The following TSSK1B variants were observed in gnomAD, a reference collection of about 807,000 sequenced individuals.
TSSK1B encodes testis specific serine kinase 1B.
TSSK1B carries 2 observed loss-of-function variants against 4.0 expected under a neutral mutation model. That is an observed-to-expected ratio of 0.50 (90% CI 0.20 to 1.57). TSSK1B has a LOEUF of 1.57. TSSK1B is among the 40% of genes most tolerant of loss of function. The pLI, the probability that TSSK1B is intolerant of heterozygous loss-of-function variation, is 0.22. For synonymous variants in TSSK1B, 198 were observed against 200.7 expected (o/e 0.99, Z 0.11); for missense variants, 488 against 495.1 (o/e 0.99, Z 0.14).
At position 113,434,298 on chromosome 5, in the gene TSSK1B, T is replaced by A; in HGVS notation, c.542A>T (p.Tyr181Phe). The A allele has an allele frequency of 6.2e-7, 1 of 1,614,120 alleles. No homozygotes were observed. The highest frequency in any genetic ancestry group is 2.2e-5 in the East Asian group (1 of 44,878). ...LSKTFCGSPA[Y>F]AAPEVLQGIP... ...GCCCTGCAGCACCTCTGGGGCCGCA[T>A]ACGCTGGTGACCCACAGAAGGTCTT... is the stretch of plus-strand genomic sequence containing the variant. Residue 181 changes from tyrosine (Y) to phenylalanine (F), a missense_variant, in exon 1 of 1, where the codon TAT becomes TTT. Coordinates refer to ENST00000390666, the MANE Select transcript of TSSK1B (RefSeq NM_032028.4). The surrounding 1 kb of genome is among the most constrained non-coding windows in gnomAD (Gnocchi z 4.2).
chr5:113,433,685 G>A lies in TSSK1B; in HGVS notation c.*51C>T. 6.4e-7 allele frequency: 1 copy of A among 1,564,348 alleles called. No individual in the cohort carries two copies. The highest frequency in any genetic ancestry group is 8.7e-7 in the Non-Finnish European group (1 of 1,154,802). On this transcript the variant is annotated 3_prime_UTR_variant, in exon 1 of 1. Coordinates refer to ENST00000390666, the MANE Select transcript of TSSK1B (RefSeq NM_032028.4). ...TGGCTCCACCCTTGACTTCTTCAGAGCTTGGGCTTTAAGCCGTGAGCTCCA... is the reference window on the plus strand; with the variant it reads ...TGGCTCCACCCTTGACTTCTTCAGAACTTGGGCTTTAAGCCGTGAGCTCCA...
Position 113,433,685 on chromosome 5 carries a change from G to C in TSSK1B, c.*51C>G. 1 of 1,564,348 alleles carries C rather than the reference G, an allele frequency of 6.4e-7. No homozygotes were observed. Among genetic ancestry groups the C allele is most frequent in the South Asian group, 1.2e-5 (1 of 81,672 alleles). ...TGGCTCCACCCTTGACTTCTTCAGA[G>C]CTTGGGCTTTAAGCCGTGAGCTCCA... is the stretch of plus-strand genomic sequence containing the variant. On this transcript the variant is annotated 3_prime_UTR_variant, in exon 1 of 1. Transcript: ENST00000390666.
In TSSK1B at chr5:113,434,447, G is replaced by A. The variant is rs372301723; in HGVS notation, c.393C>T (p.Asp131=). 37 of 1,613,864 alleles carry A rather than the reference G, an allele frequency of 2.3e-5. No individual in the cohort carries two copies. The highest frequency in any genetic ancestry group is 2.9e-5 in the Non-Finnish European group (34 of 1,179,958). Residue 131 remains aspartate (D), a synonymous_variant, in exon 1 of 1, where the codon GAC becomes GAT. Coordinates refer to ENST00000390666, the MANE Select transcript of TSSK1B (RefSeq NM_032028.4). The surrounding 1 kb of genome is among the most constrained non-coding windows in gnomAD (Gnocchi z 4.2). The stretch of plus-strand genomic sequence containing the variant: ...CACACTTGAGGTCCCGGTGGACGAC[G>A]TCCAGGTCGTGGCAGTACTTGATGG... ...SLAIKYCHDL[D]VVHRDLKCDN...
rs771990661 is a variant in TSSK1B, at chr5:113,433,923, T to A, written c.917A>T (p.Lys306Met). 3.1e-6 allele frequency: 5 copies of A among 1,614,030 alleles called. No individual in the cohort carries two copies. The South Asian group carries it at 5.5e-5, about 18-fold the overall frequency. Residue 306 changes from lysine (K) to methionine (M), a missense_variant, in exon 1 of 1, where the codon AAG becomes ATG. By Grantham distance (95) the Lys-to-Met change is moderately conservative. Transcript: ENST00000390666. ...PLWTPEPGSD[K>M]KSATKLEPEG... is the part of the protein sequence containing the mutation. Reference sequence around the variant, plus strand: ...AGGCTCCAGCTTGGTGGCAGACTTCTTGTCAGAGCCAGGTTCGGGGGTCCA... The same window carrying A: ...AGGCTCCAGCTTGGTGGCAGACTTCATGTCAGAGCCAGGTTCGGGGGTCCA...
Position 113,434,722 on chromosome 5 carries a change from T to C in TSSK1B, c.118A>G (p.Ile40Val), listed in dbSNP as rs1770794434. 6.2e-7 allele frequency: 1 copy of C among 1,614,070 alleles called. No homozygotes were observed. Residue 40 changes from isoleucine to valine, a missense_variant, in exon 1 of 1, where the codon ATC becomes GTC. Coordinates refer to ENST00000390666, the MANE Select transcript of TSSK1B (RefSeq NM_032028.4). This position sits in a 1 kb window ranked among gnomAD's most constrained non-coding sequence, Gnocchi z 4.2. ...YSERLKFNVA[I>V]KIIDRKKAPA... ...GCCTTCTTGCGGTCGATGATCTTGA[T>C]CGCCACATTGAACTTCAGGCGCTCA... is the stretch of plus-strand genomic sequence containing the variant.
Position 113,433,524 on chromosome 5 carries a change from G to C in TSSK1B, c.*212C>G. ...CGCTCTGGGGGAGTAGGAGTCGCAC[G>C]ACTGTCTCAGCCTTGGATTTGACTT... On this transcript the variant is annotated 3_prime_UTR_variant, in exon 1 of 1. Transcript: ENST00000390666. 2 of 633,944 alleles carry C rather than the reference G, an allele frequency of 3.2e-6. No individual in the cohort carries two copies. The highest frequency in any genetic ancestry group is 5.5e-6 in the Non-Finnish European group (2 of 365,152). 39.3% of individuals were successfully genotyped at this position (633,944 alleles called of 1,614,324 possible). A position where few individuals can be genotyped will look rare whatever the true frequency, so the allele number is the denominator to read the frequency against.
Position 113,433,482 on chromosome 5 carries a change from G to T in TSSK1B, c.*254C>A. The T allele has an allele frequency of 1.6e-6, 1 of 614,618 alleles. No individual in the cohort carries two copies. Among genetic ancestry groups the T allele is most frequent in the South Asian group, 2.0e-5 (1 of 50,936 alleles). The allele number at this position is 614,618 out of a possible 1,614,324, so 38.1% of individuals were successfully genotyped here. On this transcript the variant is annotated 3_prime_UTR_variant, in exon 1 of 1. Coordinates refer to ENST00000390666, the MANE Select transcript of TSSK1B (RefSeq NM_032028.4). The stretch of plus-strand genomic sequence containing the variant: ...TCTGCTGAGACAGGCTCTGTGTCCA[G>T]CACCTGCTCCGGGTCACGCTCTGGG...
Position 113,433,862 on chromosome 5 carries a change from T to C in TSSK1B, c.978A>G (p.Thr326=). The C allele has an allele frequency of 6.2e-7, 1 of 1,614,036 alleles. No homozygotes were observed. Among genetic ancestry groups the C allele is most frequent in the Non-Finnish European group, 8.5e-7 (1 of 1,179,902 alleles). The change falls in exon 1 of 1, where the codon ACA becomes ACG. Residue 326 remains threonine (T), a synonymous_variant. Coordinates refer to ENST00000390666, the MANE Select transcript of TSSK1B (RefSeq NM_032028.4). The part of the protein sequence containing the change: ...GEAQPQAQPE[T]KPEGTAMQMS... ...TTTGCATTGCTGTCCCCTCGGGTTT[T>C]GTCTCAGGCTGTGCCTGGGGCTGTG... is the stretch of plus-strand genomic sequence containing the variant.
In TSSK1B at chr5:113,434,514, T is replaced by C. The variant is rs368990432; in HGVS notation, c.326A>G (p.His109Arg). ...GAACTTCTTGCGAGCTTCGTCCTCA[T>C]GCAGGGCTCCCCGGGTTTTGATTAA... The part of the protein sequence containing the change: ...LELIKTRGAL[H>R]EDEARKKFHQ... The change falls in exon 1 of 1, where the codon CAT becomes CGT. Residue 109 changes from histidine to arginine, a missense_variant. Transcript: ENST00000390666. The surrounding 1 kb of genome is among the most constrained non-coding windows in gnomAD (Gnocchi z 4.2). 1.2e-6 allele frequency: 2 copies of C among 1,612,898 alleles called. No individual in the cohort carries two copies. Among genetic ancestry groups the C allele is most frequent in the Non-Finnish European group, 8.5e-7 (1 of 1,179,062 alleles).
In TSSK1B at chr5:113,433,930, A is replaced by G. The variant is rs1453340466; in HGVS notation, c.910T>C (p.Ser304Pro). The G allele has an allele frequency of 1.1e-5, 17 of 1,613,886 alleles. No individual in the cohort carries two copies. The South Asian group carries it at 1.6e-4, about 16-fold the overall frequency. ...AGCTTGGTGGCAGACTTCTTGTCAG[A>G]GCCAGGTTCGGGGGTCCACAAGGGT... is the stretch of plus-strand genomic sequence containing the variant. ...TEPLWTPEPGSDKKSATKLEP... is the reference protein window; with the variant it reads ...TEPLWTPEPGPDKKSATKLEP... Residue 304 changes from serine to proline, a missense_variant, in exon 1 of 1, where the codon TCT becomes CCT. Transcript: ENST00000390666.
rs1404158104 is a variant in TSSK1B at position 113,434,864 on chromosome 5, T to TGAGGCTGCCCTCTACAGCCCC, written c.-46_-26dup. 6.3e-7 allele frequency: 1 copy of TGAGGCTGCCCTCTACAGCCCC among 1,592,156 alleles called. No individual in the cohort carries two copies. Among genetic ancestry groups the TGAGGCTGCCCTCTACAGCCCC allele is most frequent in the Admixed American group, 1.7e-5 (1 of 58,964 alleles). On this transcript the variant is annotated 5_prime_UTR_variant, in exon 1 of 1. Coordinates refer to ENST00000390666, the MANE Select transcript of TSSK1B (RefSeq NM_032028.4). This position sits in a 1 kb window ranked among gnomAD's most constrained non-coding sequence, Gnocchi z 4.2. Reference sequence around the variant, plus strand: ...TGGTGCCAGGAATGCCCAGTGCCTCTGAGGCTGCCCTCTACAGCCCCGAGG... The same window carrying TGAGGCTGCCCTCTACAGCCCC: ...TGGTGCCAGGAATGCCCAGTGCCTCTGAGGCTGCCCTCTACAGCCCCGAGGCTGCCCTCTACAGCCCCGAGG...
At position 113,433,596 on chromosome 5, in the gene TSSK1B, A is replaced by G. The variant is rs1294294022; in HGVS notation, c.*140T>C. 3.5e-6 allele frequency: 4 copies of G among 1,129,606 alleles called. No homozygotes were observed. In the African/African-American group the frequency reaches 6.3e-5, roughly 18 times the overall value. 70.0% of individuals were successfully genotyped at this position (1,129,606 alleles called of 1,614,324 possible). On this transcript the variant is annotated 3_prime_UTR_variant, in exon 1 of 1. Transcript: ENST00000390666. ...CACGGGAGAACCATGTGGGTTACCAAGTTCAAGGGGAGAGAGAAGAAGCTG... is the reference window on the plus strand; with the variant it reads ...CACGGGAGAACCATGTGGGTTACCAGGTTCAAGGGGAGAGAGAAGAAGCTG...
At position 113,432,828 on chromosome 5, in the gene TSSK1B, A is replaced by G. The variant is rs1770703232; in HGVS notation, c.*908T>C. On this transcript the variant is annotated 3_prime_UTR_variant, in exon 1 of 1. Transcript: ENST00000390666. Reference sequence around the variant, plus strand: ...GGGGGTGCTGGGGAGTAAATTAGCTACAAAATCAATTACAAGGAGAATGAT... The same window carrying G: ...GGGGGTGCTGGGGAGTAAATTAGCTGCAAAATCAATTACAAGGAGAATGAT... 1 of 152,264 alleles carries G rather than the reference A, an allele frequency of 6.6e-6. No homozygotes were observed. Among genetic ancestry groups the G allele is most frequent in the South Asian group, 2.1e-4 (1 of 4,834 alleles). The allele number at this position is 152,264 out of a possible 1,614,324, so 9.4% of individuals were successfully genotyped here.
rs572055044 is a variant in TSSK1B at position 113,433,296 on chromosome 5, CCT to C, written c.*438_*439del. On this transcript the variant is annotated 3_prime_UTR_variant, in exon 1 of 1. Coordinates refer to ENST00000390666, the MANE Select transcript of TSSK1B (RefSeq NM_032028.4). The stretch of plus-strand genomic sequence containing the variant: ...CCCAACCCCCAACCCAGCCTGGTCC[CCT>C]GACCCTCAGTCTGGCCCGGTCTGGC... 1.1e-3 allele frequency: 277 copies of C among 252,062 alleles called. No individual in the cohort carries two copies. The highest frequency in any genetic ancestry group is 1.7e-3 in the Non-Finnish European group (217 of 126,172). The allele number at this position is 252,062 out of a possible 1,614,324, so 15.6% of individuals were successfully genotyped here.
chr5:113,434,076 G>C lies in TSSK1B; in HGVS notation c.764C>G (p.Pro255Arg), dbSNP rs1476459935. Residue 255 changes from proline (P) to arginine (R), a missense_variant, in exon 1 of 1, where the codon CCC (proline) becomes CGC (arginine). Pro to Arg is a moderately radical substitution (Grantham distance 103). Transcript: ENST00000390666. This position sits in a 1 kb window ranked among gnomAD's most constrained non-coding sequence, Gnocchi z 4.2. ...GATGTGGAGCCGCCGGTTGACGTCG[G>C]GCTGCAGCATGTGGTAGATGAGGTC... ...CKDLIYHMLQ[P>R]DVNRRLHIDE... 2.8e-5 allele frequency: 45 copies of C among 1,614,048 alleles called. No homozygotes were observed. Among genetic ancestry groups the C allele is most frequent in the Non-Finnish European group, 3.7e-5 (44 of 1,180,002 alleles).
Position 113,434,851 on chromosome 5 carries a change from T to C in TSSK1B, c.-12A>G, listed in dbSNP as rs892194405. ...GCAGCGTCATCCATGGTGCCAGGAA[T>C]GCCCAGTGCCTCTGAGGCTGCCCTC... On this transcript the variant is annotated 5_prime_UTR_variant, in exon 1 of 1. Transcript: ENST00000390666. The surrounding 1 kb of genome is among the most constrained non-coding windows in gnomAD (Gnocchi z 4.2). The C allele has an allele frequency of 3.8e-6, 6 of 1,599,042 alleles. No individual in the cohort carries two copies. The highest frequency in any genetic ancestry group is 1.3e-5 in the African/African-American group (1 of 74,546).
rs1226891378 is a variant in TSSK1B at position 113,433,997 on chromosome 5, A to C, written c.843T>G (p.Ser281=). 1 of 1,614,020 alleles carries C rather than the reference A, an allele frequency of 6.2e-7. No homozygotes were observed. The highest frequency in any genetic ancestry group is 8.5e-7 in the Non-Finnish European group (1 of 1,179,880). The change falls in exon 1 of 1, where the codon TCT becomes TCG. Residue 281 remains serine (S), a synonymous_variant. Coordinates refer to ENST00000390666, the MANE Select transcript of TSSK1B (RefSeq NM_032028.4). ...WMQPKARGSP[S]VAINKEGESS... ...TCTCCCCCTCCTTGTTGATGGCCAC[A>C]GAGGGAGATCCCCGTGCCTTGGGCT... is the stretch of plus-strand genomic sequence containing the variant.
rs752300335 is a variant in TSSK1B, at chr5:113,434,072, G to A, written c.768C>T (p.Asp256=). 35 of 1,614,048 alleles carry A rather than the reference G, an allele frequency of 2.2e-5. No individual in the cohort carries two copies. The South Asian group carries it at 3.2e-4, about 15-fold the overall frequency. Residue 256 remains aspartate (D), a synonymous_variant, in exon 1 of 1, where the codon GAC becomes GAT. Transcript: ENST00000390666. The surrounding 1 kb of genome is among the most constrained non-coding windows in gnomAD (Gnocchi z 4.2). ...KDLIYHMLQP[D]VNRRLHIDEI... is the part of the protein sequence containing the mutation. ...CGTCGATGTGGAGCCGCCGGTTGAC[G>A]TCGGGCTGCAGCATGTGGTAGATGA...
At position 113,434,104 on chromosome 5, in the gene TSSK1B, T is replaced by G. The variant is rs1368178364; in HGVS notation, c.736A>C (p.Lys246Gln). The G allele has an allele frequency of 6.2e-7, 1 of 1,614,098 alleles. No individual in the cohort carries two copies. The highest frequency in any genetic ancestry group is 1.3e-5 in the African/African-American group (1 of 74,932). The change falls in exon 1 of 1, where the codon AAG becomes CAG. Residue 246 changes from lysine (K) to glutamine (Q), a missense_variant. Physicochemically the swap from Lys to Gln is moderately conservative, Grantham distance 53 (BLOSUM62 1). Transcript: ENST00000390666. The surrounding 1 kb of genome is among the most constrained non-coding windows in gnomAD (Gnocchi z 4.2). ...PRSKHLTGEC[K>Q]DLIYHMLQPD... ...TGCAGCATGTGGTAGATGAGGTCCT[T>G]GCACTCGCCTGTCAGGTGCTTGGAG...
Sources: gnomAD v4.1 joint callset for allele counts on GRCh38, gnomAD v4.1.1 for gene constraint, Gnocchi (gnomAD v3.1) non-coding constraint, MANE v1.5 for transcripts, NCBI Gene and HGNC (gene_info 2026-07-23, HGNC 2026-07-21) for gene names.